The following ADGRL3 variants were observed in gnomAD, a reference collection of about 807,000 sequenced individuals.
The protein encoded by ADGRL3 is adhesion G protein-coupled receptor L3.
In ADGRL3, 62 loss-of-function variants were observed where a neutral mutation model predicts 153.5. The ratio of observed to expected loss-of-function variants is 0.40; its 90% CI spans 0.33 to 0.50. The LOEUF is 0.50. Ranked by LOEUF, ADGRL3 falls within the 20% of genes least tolerant of loss-of-function variation. The pLI, the probability that ADGRL3 is intolerant of heterozygous loss-of-function variation, is 0.47. For missense variants in ADGRL3, 1,641 were observed against 1,859.4 expected, an observed-to-expected ratio of 0.88 and a Z score of 2.16; for synonymous variants, 710 against 672.5, an observed-to-expected ratio of 1.06 and a Z score of -0.86.
chr4:61,399,962 G>A (rs1230802073), intron 2 of ADGRL3, among the ~76,000 whole-genome samples: 4 of 151,644 alleles, frequency 2.6e-5, no homozygotes, highest in East Asian at 1.9e-4. Flanking sequence ...AAGTAGAGGC[G>A]ATGAGTACCA....
At chr4:61,627,278 T>G (rs1405862829) in intron 5 of ADGRL3, among the ~76,000 whole-genome samples, 1 of 152,136 alleles carries the variant, frequency 6.6e-6, no homozygotes, top group East Asian at 1.9e-4. Flanking sequence ...TTAGAAATGT[T>G]CATATATATT....
At chr4:61,754,818 G>A (rs1005904572) in intron 8 of ADGRL3, among the ~76,000 whole-genome samples, 13 of 151,538 alleles carry the variant, frequency 8.6e-5, no homozygotes, top group Non-Finnish European at 4.4e-5. Context: ...CCCTTCCTGT[G>A]TCCATGTGTT....
intron 2 of ADGRL3, among the ~76,000 whole-genome samples, chr4:61,440,044 T>C (rs1423786693): frequency 3.3e-5 from 5 of 152,124 alleles, no homozygotes; most frequent in African/African-American, 1.2e-4. Context: ...ATTTTTATTT[T>C]ATTTCATTTT....
chr4:61,908,323 G>T (rs374713521), intron 11 of ADGRL3, among the ~76,000 whole-genome samples: 1 of 152,110 alleles, frequency 6.6e-6, no homozygotes, highest in African/African-American at 2.4e-5. Flanking sequence ...AAGGCCGGGC[G>T]TAGTGGCTCA....
At chr4:61,603,284 A>G (rs2099019138) in intron 5 of ADGRL3, among the ~76,000 whole-genome samples, 1 of 152,172 alleles carries the variant, frequency 6.6e-6, no homozygotes, top group Admixed American at 6.6e-5. Flanking sequence ...TGGGTGGCCA[A>G]CTGCATTTTT....
rs2152255302 is a variant in ADGRL3 at position 61,765,736 on chromosome 4, AAG to A, written c.1399+32185_1399+32186del. Among the ~76,000 whole-genome samples, 2 of 152,218 alleles carry A rather than the reference AAG, an allele frequency of 1.3e-5. 1 individual carries two copies. Among genetic ancestry groups the A allele is most frequent in the South Asian group, 4.1e-4 (2 of 4,822 alleles). ...TCCAGTGAAATTATCTACCTAGACT[AAG>A]AGGTATTTTAGTTATCTGACTAAGG... On this transcript the variant is annotated intron_variant, in intron 8 of 26. Coordinates refer to ENST00000683033, the MANE Select transcript of ADGRL3 (RefSeq NM_001387552.1).
intron 5 of ADGRL3, among the ~76,000 whole-genome samples, chr4:61,597,442 A>G (rs896326636): frequency 6.6e-6 from 1 of 152,096 alleles, no homozygotes; most frequent in Non-Finnish European, 1.5e-5. Flanking sequence ...ACCTTCACCA[A>G]TGATCATCTG....
At chr4:61,656,450 G>A (rs1035808027) in intron 5 of ADGRL3, among the ~76,000 whole-genome samples, 2 of 151,970 alleles carry the variant, frequency 1.3e-5, no homozygotes, top group Non-Finnish European at 2.9e-5. Flanking sequence ...TTGAAGATTA[G>A]GGTAAATACT....
intron 12 of ADGRL3, among the ~76,000 whole-genome samples, chr4:61,910,347 AT>A (rs1213677429): frequency 6.6e-6 from 1 of 151,964 alleles, no homozygotes; most frequent in African/African-American, 2.4e-5. Context: ...GCTTAAATAT[AT>A]TCCAGCAAAT....
intron 9 of ADGRL3, among the ~76,000 whole-genome samples, chr4:61,863,035 A>C (rs1009212311): frequency 6.6e-6 from 1 of 152,154 alleles, no homozygotes; most frequent in African/African-American, 2.4e-5. Flanking sequence ...TTCAGAAACC[A>C]GGGTTGGCAG....
intron 9 of ADGRL3, among the ~76,000 whole-genome samples, chr4:61,846,435 A>T (rs1401934470): frequency 6.6e-6 from 1 of 152,166 alleles, no homozygotes; most frequent in Non-Finnish European, 1.5e-5. Context: ...TCCACAGGTT[A>T]TCAATATTAC....
chr4:61,972,355 C>T (rs1476400931), intron 17 of ADGRL3, among the ~76,000 whole-genome samples: 11 of 152,102 alleles, frequency 7.2e-5, no homozygotes, highest in African/African-American at 2.7e-4. Flanking sequence ...GGAAGGGATC[C>T]AGTTTCAGCT....
At chr4:61,469,454 A>G (rs1474885594) in intron 2 of ADGRL3, among the ~76,000 whole-genome samples, 1 of 152,018 alleles carries the variant, frequency 6.6e-6, no homozygotes, top group East Asian at 1.9e-4. Context: ...CTCATGACCC[A>G]TGTAGTTCTC....
intron 1 of ADGRL3, among the ~76,000 whole-genome samples, chr4:61,319,820 C>T (rs2095316179): frequency 6.6e-6 from 1 of 152,134 alleles, no homozygotes; most frequent in African/African-American, 2.4e-5. Flanking sequence ...GTCTAATTCT[C>T]TTACATTTTA....
intron 1 of ADGRL3, among the ~76,000 whole-genome samples, chr4:61,221,125 C>A (rs1745274310): frequency 6.6e-6 from 1 of 152,084 alleles, no homozygotes; most frequent in South Asian, 2.1e-4. Context: ...GCTCAGAGAC[C>A]TTTATCCTAA....
chr4:61,654,836 G>T (rs1447211575), intron 5 of ADGRL3, among the ~76,000 whole-genome samples: 1 of 151,656 alleles, frequency 6.6e-6, no homozygotes, highest in Admixed American at 6.6e-5. Context: ...GGCAGAGGTT[G>T]CAGTGAGCCG....
chr4:61,723,210 T>C (rs1261217852), intron 6 of ADGRL3, among the ~76,000 whole-genome samples: 1 of 152,142 alleles, frequency 6.6e-6, no homozygotes, highest in African/African-American at 2.4e-5. Flanking sequence ...CTTTAGTAAA[T>C]AAGTATACTG....
chr4:61,840,162 C>A (rs2098006595), intron 9 of ADGRL3, among the ~76,000 whole-genome samples: 1 of 152,164 alleles, frequency 6.6e-6, no homozygotes, highest in Non-Finnish European at 1.5e-5. Context: ...TCCCTGCAAC[C>A]AGTGCCTCCT....
intron 6 of ADGRL3, among the ~76,000 whole-genome samples, chr4:61,712,176 T>G (rs1280818182): frequency 6.6e-6 from 1 of 152,066 alleles, no homozygotes; most frequent in Non-Finnish European, 1.5e-5. Flanking sequence ...AGAGGATCAC[T>G]TGAGCCCCGG....
Sources: gnomAD v4.1 joint callset for allele counts (sites outside exome capture counted in the v4.1 genomes callset) on GRCh38, gnomAD v4.1.1 for gene constraint, MANE v1.5 for transcripts, NCBI Gene and HGNC (gene_info 2026-07-23, HGNC 2026-07-21) for gene names.